FSTL5: variants seen among roughly 807,000 people sequenced by gnomAD.
The protein encoded by FSTL5 is follistatin-related protein 5.
A neutral mutation model predicts 89.1 loss-of-function variants in FSTL5; 62 were observed. The observed-to-expected ratio is 0.70, with a 90% CI of 0.57 to 0.86. The LOEUF (loss-of-function observed/expected upper bound fraction) is 0.86, where lower values mean the gene tolerates loss of function less well. Among genes scored for constraint, FSTL5 ranks in the 40% least tolerant of loss-of-function variants. FSTL5 has a pLI of 0.00. For synonymous variants in FSTL5, 383 were observed against 346.2 expected (o/e 1.11, Z -1.18); for missense variants, 1,057 against 1,001.6 (o/e 1.06, Z -0.75).
chr4:162,007,023 G>A (rs1736635069), intron 3 of FSTL5, among the ~76,000 whole-genome samples: 1 of 151,810 alleles, frequency 6.6e-6, no homozygotes, highest in African/African-American at 2.4e-5. Context: ...TTATTAGATG[G>A]TTGGGCACTA....
chr4:161,672,527 A>G lies in FSTL5; in HGVS notation c.728-16033T>C, dbSNP rs181979367. On this transcript the variant is annotated intron_variant, in intron 6 of 15. Coordinates refer to ENST00000306100, the MANE Select transcript of FSTL5 (RefSeq NM_020116.5). Reference sequence around the variant, plus strand: ...CATTTCTCCAACATTCATTTCATTCATGCTTAAGAGAGAGTTTACAAAGTA... The same window carrying G: ...CATTTCTCCAACATTCATTTCATTCGTGCTTAAGAGAGAGTTTACAAAGTA... 7.8e-3 allele frequency among the ~76,000 whole-genome samples: 1,186 copies of G among 152,180 alleles called. 6 individuals are homozygous for G. The highest frequency in any genetic ancestry group is 0.026 in the South Asian group (125 of 4,826).
At position 161,587,511 on chromosome 4, in the gene FSTL5, G is replaced by T; in HGVS notation, c.959C>A (p.Thr320Asn). The T allele has an allele frequency of 6.2e-7, 1 of 1,611,120 alleles. No individual in the cohort carries two copies. Among genetic ancestry groups the T allele is most frequent in the Non-Finnish European group, 8.5e-7 (1 of 1,177,564 alleles). ...TTGTTCATAGCCATCTGCATAGCAG[G>T]TGTAATTGCCAACGTGAGTTGTGGT... ...KVTTTHVGNY[T>N]CYADGYEQVY... is the part of the protein sequence containing the mutation. Residue 320 changes from threonine to asparagine, a missense_variant, in exon 8 of 16, where the codon ACC becomes AAC. Thr to Asn is a moderately conservative substitution (Grantham distance 65). Around this residue, in one of 3 missense-constraint regions of FSTL5, gnomAD observed 980 missense variants for 903.2 expected, o/e 1.08. Transcript: ENST00000306100.
Position 161,743,039 on chromosome 4 carries a change from T to C in FSTL5, c.727+16372A>G, listed in dbSNP as rs28473189. ...TCTTTTCACTCTGTTGATAGTGTTC[T>C]TTGATGCATGAAAGTTCTAAATTTT... On this transcript the variant is annotated intron_variant, in intron 6 of 15. Transcript: ENST00000306100. Among the ~76,000 whole-genome samples, 256 of 152,294 alleles carry C rather than the reference T, an allele frequency of 1.7e-3. 2 individuals are homozygous for C. Among genetic ancestry groups the C allele is most frequent in the African/African-American group, 6.0e-3 (248 of 41,582 alleles).
rs1002088920 is a variant in FSTL5 at position 162,069,639 on chromosome 4, T to C, written c.127-35981A>G. On this transcript the variant is annotated intron_variant, in intron 2 of 15. Coordinates refer to ENST00000306100, the MANE Select transcript of FSTL5 (RefSeq NM_020116.5). ...GCTCCTCTATATGAGTTAGAGCAAGTGGTATTTATCTTTCTGTGTCTGACC... is the reference window on the plus strand; with the variant it reads ...GCTCCTCTATATGAGTTAGAGCAAGCGGTATTTATCTTTCTGTGTCTGACC... 1.2e-4 allele frequency among the ~76,000 whole-genome samples: 18 copies of C among 152,066 alleles called. No individual in the cohort carries two copies. In the East Asian group the frequency reaches 2.1e-3, roughly 18 times the overall value.
intron 1 of FSTL5, among the ~76,000 whole-genome samples, chr4:162,157,382 T>A (rs1733523266): frequency 6.6e-6 from 1 of 152,100 alleles, no homozygotes; most frequent in Admixed American, 6.6e-5. Flanking sequence ...GCTGTCACCA[T>A]GAAATCAGAG....
intron 9 of FSTL5, among the ~76,000 whole-genome samples, chr4:161,539,748 C>A (rs543430619): frequency 2.0e-5 from 3 of 151,946 alleles, no homozygotes; most frequent in African/African-American, 7.3e-5. Flanking sequence ...AACAAAAAAA[C>A]CCACCTTTAT....
chr4:161,778,709 G>T (rs1257894312), intron 4 of FSTL5, among the ~76,000 whole-genome samples: 3 of 152,136 alleles, frequency 2.0e-5, no homozygotes, highest in Non-Finnish European at 4.4e-5. Context: ...ATAATAATAA[G>T]AATATGTTTT....
At chr4:161,832,626 G>A (rs1560870911) in intron 4 of FSTL5, among the ~76,000 whole-genome samples, 1 of 152,086 alleles carries the variant, frequency 6.6e-6, no homozygotes. Context: ...TATGTGTCGA[G>A]GAATTTATCC....
At chr4:161,428,200 C>T (rs1316339704) in intron 15 of FSTL5, among the ~76,000 whole-genome samples, 1 of 152,180 alleles carries the variant, frequency 6.6e-6, no homozygotes, top group Non-Finnish European at 1.5e-5. Flanking sequence ...GTATTTCATC[C>T]ATCCCAGGGG....
chr4:161,747,401 A>C (rs1740236602), intron 6 of FSTL5, among the ~76,000 whole-genome samples: 1 of 152,194 alleles, frequency 6.6e-6, no homozygotes, highest in African/African-American at 2.4e-5. Flanking sequence ...TGGAGTAGAC[A>C]AGTACAATAT....
In FSTL5 at chr4:161,799,800, G is replaced by T. The variant is rs181961873; in HGVS notation, c.410-23726C>A. On this transcript the variant is annotated intron_variant, in intron 4 of 15. Coordinates refer to ENST00000306100, the MANE Select transcript of FSTL5 (RefSeq NM_020116.5). ...AACCAAAGATAAGTTCGTGAATGCT[G>T]GAGTTGGGTTATGAAATCAGGCAGT... is the stretch of plus-strand genomic sequence containing the variant. Among the ~76,000 whole-genome samples the T allele has an allele frequency of 2.3e-4, 35 of 151,820 alleles. No homozygotes were observed. In the East Asian group the frequency reaches 6.8e-3, roughly 29 times the overall value.
intron 4 of FSTL5, among the ~76,000 whole-genome samples, chr4:161,834,099 C>G (rs1180822857): frequency 2.0e-5 from 3 of 152,224 alleles, no homozygotes; most frequent in Admixed American, 2.0e-4. Flanking sequence ...AAAAGCTTAT[C>G]CACCATGATC....
intron 2 of FSTL5, among the ~76,000 whole-genome samples, chr4:162,086,436 C>T (rs985708059): frequency 6.6e-6 from 1 of 151,566 alleles, no homozygotes; most frequent in Non-Finnish European, 1.5e-5. Flanking sequence ...ACCTAGTATG[C>T]CATGGCAACG....
At chr4:161,855,615 G>C (rs7682746) in intron 4 of FSTL5, among the ~76,000 whole-genome samples, 105,365 of 151,850 alleles carry the variant, frequency 0.69, 37,005 homozygotes, top group Non-Finnish European at 0.75. Flanking sequence ...TTACAGAAAA[G>C]GTAAGAAAAT....
chr4:161,741,681 ATTTTTTTTTT>A (rs367947098), intron 6 of FSTL5, among the ~76,000 whole-genome samples: 1 of 104,668 alleles, frequency 9.6e-6, no homozygotes, highest in South Asian at 3.3e-4. Flanking sequence ...GAGAAGTATG[ATTTTTTTTTT>A]TTTTTTTTTT....
chr4:161,471,532 G>A (rs539670785), intron 13 of FSTL5, among the ~76,000 whole-genome samples: 9 of 152,220 alleles, frequency 5.9e-5, no homozygotes, highest in African/African-American at 2.2e-4. Flanking sequence ...TAGTGTTTTT[G>A]TCTGGCTTTA....
intron 15 of FSTL5, among the ~76,000 whole-genome samples, chr4:161,416,536 C>T (rs1731786312): frequency 1.3e-5 from 2 of 152,056 alleles, no homozygotes; most frequent in African/African-American, 2.4e-5. Context: ...GAATTAATTT[C>T]TGTAAGTTTA....
intron 7 of FSTL5, among the ~76,000 whole-genome samples, chr4:161,623,565 G>A (rs1245537290): frequency 6.6e-6 from 1 of 151,276 alleles, no homozygotes; most frequent in East Asian, 1.9e-4. Flanking sequence ...TATTTAGTGG[G>A]GTCAGTCCCT....
chr4:161,912,567 C>T (rs1022036721), intron 4 of FSTL5, among the ~76,000 whole-genome samples: 1 of 152,162 alleles, frequency 6.6e-6, no homozygotes, highest in African/African-American at 2.4e-5. Context: ...CTGAGGCCTT[C>T]CCATCCATGT....
Sources: gnomAD v4.1 joint callset for allele counts (sites outside exome capture counted in the v4.1 genomes callset) on GRCh38, gnomAD v4.1.1 for gene constraint, gnomAD v4.1.1 regional missense constraint, MANE v1.5 for transcripts, NCBI Gene and HGNC (gene_info 2026-07-23, HGNC 2026-07-21) for gene names.